Variants in IMMP2L observed in about 807,000 individuals in gnomAD.
IMMP2L encodes the protein inner mitochondrial membrane peptidase subunit 2.
IMMP2L carries 18 observed loss-of-function variants against 19.3 expected under a neutral mutation model. The ratio of observed to expected loss-of-function variants is 0.93; its 90% CI spans 0.64 to 1.38. The LOEUF (loss-of-function observed/expected upper bound fraction) is 1.38, where lower values mean the gene tolerates loss of function less well. Among genes scored for constraint, IMMP2L ranks in the 40% most tolerant of loss-of-function variants. The pLI, the probability that IMMP2L is intolerant of heterozygous loss-of-function variation, is 0.00. For missense variants in IMMP2L, 233 were observed against 218.2 expected (o/e 1.07, Z -0.43); for synonymous variants, 76 against 73.0 (o/e 1.04, Z -0.21).
chr7:111,118,548 A>C (rs1447303677), intron 3 of IMMP2L, among the ~76,000 whole-genome samples: 1 of 152,048 alleles, frequency 6.6e-6, no homozygotes, highest in Admixed American at 6.6e-5. Context: ...GATGGGTCTC[A>C]ATAACCTTAC....
At chr7:111,451,152 C>T (rs145217945) in intron 3 of IMMP2L, among the ~76,000 whole-genome samples, 17,030 of 137,082 alleles carry the variant, frequency 0.12, 1,502 homozygotes, top group Middle Eastern at 0.17. Context: ...GTCAGTGTGG[C>T]GATTTCTCAG....
At chr7:110,696,963 G>T (rs1009955574) in intron 5 of IMMP2L, among the ~76,000 whole-genome samples, 1 of 152,158 alleles carries the variant, frequency 6.6e-6, no homozygotes, top group Admixed American at 6.5e-5. Context: ...CCTGAGGAGA[G>T]ATAAGAAGTG....
intron 3 of IMMP2L, among the ~76,000 whole-genome samples, chr7:111,222,068 A>G (rs1255874134): frequency 6.6e-6 from 1 of 151,948 alleles, no homozygotes; most frequent in East Asian, 1.9e-4. Context: ...GTCTTCCCCC[A>G]CCGATGTATA....
intron 5 of IMMP2L, among the ~76,000 whole-genome samples, chr7:110,875,101 A>G (rs1808934232): frequency 6.6e-6 from 1 of 152,150 alleles, no homozygotes. Flanking sequence ...AGGGGATTCA[A>G]AAAGTCACAA....
chr7:110,722,507 T>G (rs1795636756), intron 5 of IMMP2L, among the ~76,000 whole-genome samples: 1 of 152,060 alleles, frequency 6.6e-6, no homozygotes, highest in Non-Finnish European at 1.5e-5. Flanking sequence ...TAGCTAATAT[T>G]ACTATGAATA....
intron 3 of IMMP2L, among the ~76,000 whole-genome samples, chr7:111,290,868 A>G (rs896452831): frequency 6.6e-6 from 1 of 151,156 alleles, no homozygotes; most frequent in Non-Finnish European, 1.5e-5. Context: ...ATATATATAT[A>G]TCTAATTTTC....
chr7:110,844,693 T>TAGCGCACCAGCATGGCACATG lies in IMMP2L; in HGVS notation c.408+41899_408+41900insCATGTGCCATGCTGGTGCGCT, dbSNP rs1563019069. 2.4e-3 allele frequency among the ~76,000 whole-genome samples: 275 copies of TAGCGCACCAGCATGGCACATG among 116,514 alleles called. 28 individuals carry two copies. Among genetic ancestry groups the TAGCGCACCAGCATGGCACATG allele is most frequent in the Admixed American group, 2.5e-3 (28 of 11,368 alleles). The allele number at this position is 116,514 out of a possible 152,430, so 76.4% of individuals were successfully genotyped here. On this transcript the variant is annotated intron_variant, in intron 5 of 5. Coordinates refer to ENST00000405709, the MANE Select transcript of IMMP2L (RefSeq NM_032549.4). Reference sequence around the variant, plus strand: ...AAGCACTTAGTGGCAGGGAAGACAGTTAAGAAACTTCTACAGCAGTCCAGA... The same window carrying TAGCGCACCAGCATGGCACATG: ...AAGCACTTAGTGGCAGGGAAGACAGTAGCGCACCAGCATGGCACATGTAAGAAACTTCTACAGCAGTCCAGA...
chr7:110,905,357 C>T (rs1490386248), intron 4 of IMMP2L, among the ~76,000 whole-genome samples: 1 of 152,006 alleles, frequency 6.6e-6, no homozygotes, highest in Non-Finnish European at 1.5e-5. Flanking sequence ...TTTTTACCAT[C>T]CTTAAAATTA....
intron 5 of IMMP2L, among the ~76,000 whole-genome samples, chr7:110,849,092 G>T (rs1453512162): frequency 3.3e-5 from 5 of 152,066 alleles, no homozygotes; most frequent in Non-Finnish European, 5.9e-5. Flanking sequence ...ATGTGTCAAT[G>T]TATGCTCATC....
At chr7:110,972,167 GAA>G (rs113452643) in intron 3 of IMMP2L, among the ~76,000 whole-genome samples, 3 of 137,582 alleles carry the variant, frequency 2.2e-5, no homozygotes, top group Non-Finnish European at 3.2e-5. Context: ...ATTGTTTCCA[GAA>G]AAAAAAAAAA....
rs1798176330 is a variant in IMMP2L at position 110,758,701 on chromosome 7, C to A, written c.409-94980G>T. On this transcript the variant is annotated intron_variant, in intron 5 of 5. Coordinates refer to ENST00000405709, the MANE Select transcript of IMMP2L (RefSeq NM_032549.4). The surrounding 1 kb of genome is among the most constrained non-coding windows in gnomAD (Gnocchi z 4.6). ...ATAATCAAGATCTTGGAGTTTAACT[C>A]ACTGTTTTGTCACTGATGAGCTCCA... 6.6e-6 allele frequency among the ~76,000 whole-genome samples: 1 copy of A among 152,128 alleles called. No individual in the cohort carries two copies. Among genetic ancestry groups the A allele is most frequent in the Non-Finnish European group, 1.5e-5 (1 of 68,010 alleles).
chr7:110,859,239 C>T (rs1308459455), intron 5 of IMMP2L, among the ~76,000 whole-genome samples: 1 of 151,994 alleles, frequency 6.6e-6, no homozygotes, highest in African/African-American at 2.4e-5. Context: ...ACTCAGAGAT[C>T]TGTATTATTA....
chr7:110,821,915 C>G (rs1803069389), intron 5 of IMMP2L, among the ~76,000 whole-genome samples: 2 of 151,862 alleles, frequency 1.3e-5, no homozygotes, highest in Admixed American at 1.3e-4. Flanking sequence ...GAGCAAGACT[C>G]TTGTCTCAAA....
intron 5 of IMMP2L, among the ~76,000 whole-genome samples, chr7:110,716,107 C>CATGCAA (rs1795219717): frequency 6.6e-6 from 1 of 151,488 alleles, no homozygotes; most frequent in South Asian, 2.1e-4. Context: ...TTTCCATTTG[C>CATGCAA]ATGACAGATC....
intron 5 of IMMP2L, among the ~76,000 whole-genome samples, chr7:110,746,375 G>A (rs1797348242): frequency 6.6e-6 from 1 of 152,100 alleles, no homozygotes; most frequent in African/African-American, 2.4e-5. Context: ...AGGATATTCA[G>A]GACTTGAACT....
intron 5 of IMMP2L, among the ~76,000 whole-genome samples, chr7:110,694,040 T>C (rs1233185638): frequency 2.0e-5 from 3 of 152,112 alleles, no homozygotes; most frequent in Non-Finnish European, 2.9e-5. Context: ...ATACAAGAGA[T>C]TGCAGATACT....
intron 5 of IMMP2L, among the ~76,000 whole-genome samples, chr7:110,865,718 C>T (rs1371140842): frequency 6.6e-6 from 1 of 152,030 alleles, no homozygotes; most frequent in East Asian, 1.9e-4. Context: ...GATACCCCTT[C>T]TGTATTTTTC....
At chr7:111,078,032 T>C (rs1795563139) in intron 3 of IMMP2L, among the ~76,000 whole-genome samples, 2 of 152,238 alleles carry the variant, frequency 1.3e-5, no homozygotes, top group African/African-American at 4.8e-5. Context: ...TTATTCACTA[T>C]AATATTACTT....
In IMMP2L at chr7:110,728,951, C is replaced by T. The variant is rs542701208; in HGVS notation, c.409-65230G>A. Among the ~76,000 whole-genome samples, 12 of 152,162 alleles carry T rather than the reference C, an allele frequency of 7.9e-5. No homozygotes were observed. In the East Asian group the frequency reaches 1.4e-3, roughly 17 times the overall value. On this transcript the variant is annotated intron_variant, in intron 5 of 5. Coordinates refer to ENST00000405709, the MANE Select transcript of IMMP2L (RefSeq NM_032549.4). The surrounding 1 kb of genome is among the most constrained non-coding windows in gnomAD (Gnocchi z 4.6). ...TTTCACCCAGGCTGGACTGCAATGG[C>T]GCGATCTCAGCTCACAGCAACCTCC...
Sources: allele counts gnomAD v4.1 joint callset (sites outside exome capture counted in the v4.1 genomes callset), GRCh38; gene constraint gnomAD v4.1.1; non-coding constraint Gnocchi (gnomAD v3.1); transcripts MANE v1.5; gene names NCBI Gene and HGNC (gene_info 2026-07-23, HGNC 2026-07-21).